TMEM182: variants seen among roughly 807,000 people sequenced by gnomAD.
The protein encoded by TMEM182 is transmembrane protein 182.
TMEM182 carries 20 observed loss-of-function variants against 26.8 expected under a neutral mutation model. The observed-to-expected ratio is 0.75, with a 90% CI of 0.53 to 1.09. TMEM182 has a LOEUF of 1.09. Among genes scored for constraint, TMEM182 ranks in the 50% least tolerant of loss-of-function variants. TMEM182 has a pLI of 0.00. For missense variants in TMEM182, 277 were observed against 275.5 expected (o/e 1.01, Z -0.04); for synonymous variants, 109 against 102.2 (o/e 1.07, Z -0.40).
chr2:102,815,056 G>T lies in TMEM182; in HGVS notation c.*88G>T. On this transcript the variant is annotated 3_prime_UTR_variant, in exon 5 of 5. Coordinates refer to ENST00000412401, the MANE Select transcript of TMEM182 (RefSeq NM_144632.5). ...TTTGTTTCATTGATCCCAGCATAAA[G>T]TTAGTAGATATAACTTTTTAGTTGC... is the stretch of plus-strand genomic sequence containing the variant. The T allele has an allele frequency of 1.3e-6, 2 of 1,513,062 alleles. No homozygotes were observed. Among genetic ancestry groups the T allele is most frequent in the African/African-American group, 1.4e-5 (1 of 71,470 alleles). The allele number at this position is 1,513,062 out of a possible 1,614,324, so 93.7% of individuals were successfully genotyped here. A position where few individuals can be genotyped will look rare whatever the true frequency, so the allele number is the denominator to read the frequency against.
At chr2:102,764,466 C>G (rs935499427) in intron 3 of TMEM182, 39 bp downstream of exon 3, 8 of 1,558,784 alleles carry the variant, frequency 5.1e-6, no homozygotes, top group Non-Finnish European at 5.3e-6. Context: ...CTAAAAGGGT[C>G]TTATCTTTCT....
intron 3 of TMEM182, among the ~76,000 whole-genome samples, chr2:102,791,897 C>T (rs1681656789): frequency 1.3e-5 from 2 of 152,020 alleles, no homozygotes; most frequent in Admixed American, 6.6e-5. Flanking sequence ...AAAACCAACT[C>T]AGTTTTCTCT....
At chr2:102,836,645 G>A (rs1356115466) in intron 3 of TMEM182, among the ~76,000 whole-genome samples, 1 of 152,150 alleles carries the variant, frequency 6.6e-6, no homozygotes, top group African/African-American at 2.4e-5. Context: ...AAAGCCAAGT[G>A]TTCAGAGGCG....
chr2:102,769,910 G>A (rs897385882), intron 3 of TMEM182, among the ~76,000 whole-genome samples: 21 of 152,140 alleles, frequency 1.4e-4, no homozygotes, highest in African/African-American at 7.2e-5. Flanking sequence ...TGGTTTGGAC[G>A]TATTAAACTT....
intron 3 of TMEM182, among the ~76,000 whole-genome samples, chr2:102,823,484 A>C (rs1233204382): frequency 6.6e-6 from 1 of 152,048 alleles, no homozygotes; most frequent in East Asian, 1.9e-4. Flanking sequence ...GGTGCCCACC[A>C]CCAAGCCCAG....
At chr2:102,745,889 T>C (rs1028235979) in intron 1 of TMEM182, among the ~76,000 whole-genome samples, 2 of 152,208 alleles carry the variant, frequency 1.3e-5, no homozygotes, top group Non-Finnish European at 2.9e-5. Flanking sequence ...AATTTTGGGA[T>C]ATTATGAATA....
downstream of TMEM182, among the ~76,000 whole-genome samples, chr2:102,822,100 C>A (rs539264605): frequency 3.9e-5 from 6 of 152,054 alleles, no homozygotes; most frequent in African/African-American, 1.4e-4. Context: ...ATCAAGTATA[C>A]CCCCAAAATA....
Position 102,762,268 on chromosome 2 carries a change from G to A in TMEM182, c.51G>A (p.Gly17=), listed in dbSNP as rs771658186. The A allele has an allele frequency of 2.7e-5, 43 of 1,613,700 alleles. No homozygotes were observed. The highest frequency in any genetic ancestry group is 3.4e-5 in the Non-Finnish European group (40 of 1,179,874). The change falls in exon 1 of 5, where the codon GGG becomes GGA. Residue 17 remains glycine (G), a synonymous_variant. Transcript: ENST00000412401. ...TTGGAGCTCTCTTTGGTGCTTTGGG[G>A]GTGTTACTCTTTTTGGTGGCTTTTG... is the stretch of plus-strand genomic sequence containing the variant. ...IFFGALFGAL[G]VLLFLVAFGS...
At chr2:102,760,612 G>T (rs927374221), upstream of TMEM182, among the ~76,000 whole-genome samples, 4 of 151,484 alleles carry the variant, frequency 2.6e-5, no homozygotes, top group African/African-American at 4.8e-5. Context: ...GTTTTTTTTT[G>T]TTTGTTTGTT....
chr2:102,807,353 A>G (rs894954342), intron 4 of TMEM182, among the ~76,000 whole-genome samples: 5 of 152,196 alleles, frequency 3.3e-5, no homozygotes, highest in Non-Finnish European at 7.4e-5. Flanking sequence ...TGGAGAAAAA[A>G]TGGAAAACAA....
At chr2:102,781,333 G>A (rs1363290867) in intron 3 of TMEM182, among the ~76,000 whole-genome samples, 2 of 152,178 alleles carry the variant, frequency 1.3e-5, no homozygotes, top group African/African-American at 2.4e-5. Flanking sequence ...AAGGAAGACC[G>A]AGGTTGAGCT....
At chr2:102,841,825 C>T (rs773384649) in intron 3 of TMEM182, among the ~76,000 whole-genome samples, 1 of 152,164 alleles carries the variant, frequency 6.6e-6, no homozygotes, top group East Asian at 1.9e-4. Flanking sequence ...GGAAAGAATG[C>T]AGAATCTGAA....
chr2:102,776,215 T>A (rs1435231312), intron 3 of TMEM182, among the ~76,000 whole-genome samples: 1 of 152,170 alleles, frequency 6.6e-6, no homozygotes, highest in East Asian at 1.9e-4. Flanking sequence ...GATTCACTCT[T>A]TGTGTTAGGC....
At chr2:102,804,071 G>C (rs982061403) in intron 4 of TMEM182, among the ~76,000 whole-genome samples, 5 of 152,242 alleles carry the variant, frequency 3.3e-5, no homozygotes, top group African/African-American at 1.2e-4. Flanking sequence ...AACTCCCTGG[G>C]AGGGGCTGGC....
chr2:102,842,263 A>G (rs1440686761), intron 3 of TMEM182, among the ~76,000 whole-genome samples: 4 of 152,048 alleles, frequency 2.6e-5, no homozygotes, highest in Non-Finnish European at 5.9e-5. Context: ...TCTCTGCATT[A>G]TTTATTCCGA....
rs112881098 is a variant in TMEM182, at chr2:102,799,320, A to G, written c.469+1320A>G. Reference sequence around the variant, plus strand: ...GCTCAGGTAACACAATACTTTCTGCATAAGATTGTGCTTAATTCTGCAGAG... The same window carrying G: ...GCTCAGGTAACACAATACTTTCTGCGTAAGATTGTGCTTAATTCTGCAGAG... On this transcript the variant is annotated intron_variant, in intron 4 of 4. Transcript: ENST00000412401. 5.6e-4 allele frequency among the ~76,000 whole-genome samples: 85 copies of G among 152,364 alleles called. 1 individual carries two copies. In the Middle Eastern group the frequency reaches 0.017, roughly 30 times the overall value.
intron 3 of TMEM182, among the ~76,000 whole-genome samples, chr2:102,765,371 C>T (rs562835192): frequency 6.6e-6 from 1 of 152,252 alleles, no homozygotes; most frequent in African/African-American, 2.4e-5. Context: ...CCTCAGGACA[C>T]CTGTTTTTTC....
chr2:102,763,607 GAT>G (rs1383382250), intron 2 of TMEM182, among the ~76,000 whole-genome samples: 9 of 152,184 alleles, frequency 5.9e-5, no homozygotes, highest in African/African-American at 2.2e-4. Flanking sequence ...GCAAGTACCT[GAT>G]AGACTATCTT....
chr2:102,791,076 G>A (rs1192827376), intron 3 of TMEM182, among the ~76,000 whole-genome samples: 1 of 151,880 alleles, frequency 6.6e-6, no homozygotes, highest in Non-Finnish European at 1.5e-5. Flanking sequence ...GCTGGGATTA[G>A]AGGCGTATGC....
Sources: allele counts gnomAD v4.1 joint callset (sites outside exome capture counted in the v4.1 genomes callset), GRCh38; gene constraint gnomAD v4.1.1; transcripts MANE v1.5; gene names NCBI Gene and HGNC (gene_info 2026-07-23, HGNC 2026-07-21).